The following SERPINB11 variants were observed in gnomAD, a reference collection of about 807,000 sequenced individuals.
The protein encoded by SERPINB11 is serpin family B member 11.
SERPINB11 carries 32 observed loss-of-function variants against 36.7 expected under a neutral mutation model. The observed-to-expected ratio is 0.87, with a 90% CI of 0.66 to 1.17. The LOEUF (loss-of-function observed/expected upper bound fraction) is 1.17, where lower values mean the gene tolerates loss of function less well. SERPINB11 is among the 50% of genes most tolerant of loss of function. SERPINB11 has a pLI of 0.00. For missense variants in SERPINB11, 528 were observed against 458.4 expected, an observed-to-expected ratio of 1.15 and a Z score of -1.39; for synonymous variants, 174 against 168.1, an observed-to-expected ratio of 1.04 and a Z score of -0.27.
chr18:63,712,527 C>G (rs1216887479), intron 3 of SERPINB11, 38 bp from the exon 4 acceptor site: 15 of 1,608,912 alleles, frequency 9.3e-6, no homozygotes, highest in Non-Finnish European at 1.2e-5. Context: ...AAAAATCAAG[C>G]AATTTAATAC....
chr18:63,714,227 AT>A (rs1914605283), intron 4 of SERPINB11, among the ~76,000 whole-genome samples: 1 of 152,068 alleles, frequency 6.6e-6, no homozygotes, highest in Non-Finnish European at 1.5e-5. Flanking sequence ...TTTATTAGTG[AT>A]TTTCAAAGGG....
intron 2 of SERPINB11, 141 bp from the exon 3 acceptor site, chr18:63,711,194 A>T: frequency 1.5e-6 from 1 of 667,894 alleles, no homozygotes; most frequent in East Asian, 2.7e-5. Context: ...GACTTAGTTC[A>T]GGACTTGGAA....
At chr18:63,711,980 A>G (rs1176125081) in intron 3 of SERPINB11, among the ~76,000 whole-genome samples, 4 of 152,208 alleles carry the variant, frequency 2.6e-5, no homozygotes, top group African/African-American at 4.8e-5. Context: ...TTCAAAGTCC[A>G]TAGTTTAGGA....
In SERPINB11 at chr18:63,711,297, C is replaced by T. The variant is rs1281664062; in HGVS notation, c.169-38C>T. On this transcript the variant is annotated intron_variant, in intron 2 of 7. Coordinates refer to ENST00000544088, the MANE Select transcript of SERPINB11 (RefSeq NM_001370475.1). ...GTCAACCTTTATAGACTGTACATTG[C>T]TTCTGATGCCAAAAGATCCCTTTTT... 5.6e-6 allele frequency: 8 copies of T among 1,427,644 alleles called. No individual in the cohort carries two copies. In the South Asian group the frequency reaches 8.0e-5, roughly 14 times the overall value. 88.4% of individuals were successfully genotyped at this position (1,427,644 alleles called of 1,614,324 possible). A position where few individuals can be genotyped will look rare whatever the true frequency, so the allele number is the denominator to read the frequency against.
At chr18:63,715,911 C>T in intron 4 of SERPINB11, 124 bp from the exon 5 acceptor site, 1 of 568,828 alleles carries the variant, frequency 1.8e-6, no homozygotes, top group Non-Finnish European at 3.1e-6. Flanking sequence ...CCTGTTTCCT[C>T]TCAGACTTGT....
In SERPINB11 at chr18:63,713,944, G is replaced by A. The variant is rs747858601; in HGVS notation, c.357+1251G>A. Among the ~76,000 whole-genome samples the A allele has an allele frequency of 7.9e-5, 12 of 152,276 alleles. No homozygotes were observed. The South Asian group carries it at 8.3e-4, about 11-fold the overall frequency. ...GGCTGGGAAAAAGTCCATCTCCTGG[G>A]CTATGGAGAGTTACTTAAGGTTGTT... On this transcript the variant is annotated intron_variant, in intron 4 of 7. Coordinates refer to ENST00000544088, the MANE Select transcript of SERPINB11 (RefSeq NM_001370475.1).
intron 6 of SERPINB11, 172 bp from the exon 7 acceptor site, chr18:63,720,659 A>C: frequency 1.8e-6 from 1 of 550,724 alleles, no homozygotes; most frequent in East Asian, 3.0e-5. Context: ...TTTTAAATTA[A>C]AAAAATGGAT....
rs144397136 is a variant in SERPINB11 at position 63,723,467 on chromosome 18, G to A, written c.*68G>A. 103 of 1,464,378 alleles carry A rather than the reference G, an allele frequency of 7.0e-5. No individual in the cohort carries two copies. Among genetic ancestry groups the A allele is most frequent in the South Asian group, 1.1e-4 (8 of 72,786 alleles). The allele number at this position is 1,464,378 out of a possible 1,614,324, so 90.7% of individuals were successfully genotyped here. A position where few individuals can be genotyped will look rare whatever the true frequency, so the allele number is the denominator to read the frequency against. On this transcript the variant is annotated 3_prime_UTR_variant, in exon 8 of 8. Coordinates refer to ENST00000544088, the MANE Select transcript of SERPINB11 (RefSeq NM_001370475.1). ...AGAGACAATCCTGTGACTTTCCCAC[G>A]GCCAAAAAGCTGTTCACACCTCACA...
At chr18:63,713,368 G>A (rs1392561971) in intron 4 of SERPINB11, among the ~76,000 whole-genome samples, 3 of 152,182 alleles carry the variant, frequency 2.0e-5, no homozygotes, top group Non-Finnish European at 4.4e-5. Flanking sequence ...GCTGATAAGG[G>A]TCACAGACAT....
chr18:63,703,254 T>C (rs1168649656), intron 1 of SERPINB11, among the ~76,000 whole-genome samples: 1 of 152,234 alleles, frequency 6.6e-6, no homozygotes, highest in African/African-American at 2.4e-5. Flanking sequence ...CTTTGTTTAG[T>C]AAAATGGAAC....
chr18:63,715,360 C>G (rs1325258225), intron 4 of SERPINB11, among the ~76,000 whole-genome samples: 1 of 152,076 alleles, frequency 6.6e-6, no homozygotes, highest in Non-Finnish European at 1.5e-5. Context: ...CTCCAGAATG[C>G]TACACAGGAG....
Position 63,720,986 on chromosome 18 carries a change from G to C in SERPINB11, c.774G>C (p.Gln258His), listed in dbSNP as rs1914799189. Residue 258 changes from glutamine to histidine, a missense_variant and splice_region_variant, in exon 7 of 8, where the codon CAG becomes CAC. Gln to His is a conservative substitution (Grantham distance 24). Coordinates refer to ENST00000544088, the MANE Select transcript of SERPINB11 (RefSeq NM_001370475.1). ...LLPVGIANLK[Q>H]IEKQLNSGTF... ...CAGTAGGCATAGCTAATCTGAAACA[G>C]GTAAAATTATAAGAATGCTATAATG... is the stretch of plus-strand genomic sequence containing the variant. 31 of 1,605,728 alleles carry C rather than the reference G, an allele frequency of 1.9e-5. No individual in the cohort carries two copies. In the East Asian group the frequency reaches 6.9e-4, roughly 36 times the overall value.
chr18:63,718,263 C>T (rs1244376395), intron 5 of SERPINB11, among the ~76,000 whole-genome samples: 2 of 151,898 alleles, frequency 1.3e-5, no homozygotes, highest in African/African-American at 4.8e-5. Context: ...GGTTGCCTTG[C>T]CAAATCTTGA....
At chr18:63,718,934 C>T (rs1352045609) in intron 5 of SERPINB11, among the ~76,000 whole-genome samples, 1 of 151,884 alleles carries the variant, frequency 6.6e-6, no homozygotes, top group African/African-American at 2.4e-5. Flanking sequence ...CTCTAATCCA[C>T]TGGTAGTGAC....
At chr18:63,706,394 G>C (rs1306622423) in intron 1 of SERPINB11, among the ~76,000 whole-genome samples, 1 of 152,168 alleles carries the variant, frequency 6.6e-6, no homozygotes, top group African/African-American at 2.4e-5. Flanking sequence ...GCTCAGATAC[G>C]TACTGACTGG....
chr18:63,716,284 A>G (rs1914666213), intron 5 of SERPINB11, 132 bp downstream of exon 5: 1 of 515,364 alleles, frequency 1.9e-6, no homozygotes, highest in Non-Finnish European at 3.4e-6. Context: ...GAATGGGGCC[A>G]TATTTTGGAA....
At chr18:63,718,155 C>G (rs1404052667) in intron 5 of SERPINB11, among the ~76,000 whole-genome samples, 1 of 151,902 alleles carries the variant, frequency 6.6e-6, no homozygotes, top group Non-Finnish European at 1.5e-5. Context: ...TTTCATTCGT[C>G]AATTTGTTTA....
intron 5 of SERPINB11, among the ~76,000 whole-genome samples, chr18:63,717,945 G>A (rs766051728): frequency 6.6e-6 from 1 of 152,018 alleles, no homozygotes; most frequent in Non-Finnish European, 1.5e-5. Context: ...AAATATTTTC[G>A]TATGTTATTT....
Position 63,722,976 on chromosome 18 carries a change from T to C in SERPINB11, c.775-19T>C, listed in dbSNP as rs1914852963. On this transcript the variant is annotated intron_variant, in intron 7 of 7. Transcript: ENST00000544088. ...CGTGTGTTTGACTCATGTGGGCTTG[T>C]CTGTGTTTTGTCTCTTAGATAGAAA... 2 of 1,541,016 alleles carry C rather than the reference T, an allele frequency of 1.3e-6. No homozygotes were observed. Among genetic ancestry groups the C allele is most frequent in the South Asian group, 2.6e-5 (2 of 76,002 alleles).
Sources: allele counts gnomAD v4.1 joint callset (sites outside exome capture counted in the v4.1 genomes callset), GRCh38; gene constraint gnomAD v4.1.1; transcripts MANE v1.5; gene names NCBI Gene and HGNC (gene_info 2026-07-23, HGNC 2026-07-21).